Variants in CEP295 observed in about 807,000 individuals in gnomAD.
CEP295 encodes centrosomal protein of 295 kDa.
Under a neutral mutation model 291.6 loss-of-function variants are expected in CEP295, and 190 were observed. The ratio of observed to expected loss-of-function variants is 0.65; its 90% CI spans 0.58 to 0.73. The LOEUF (loss-of-function observed/expected upper bound fraction) is 0.73, where lower values mean the gene tolerates loss of function less well. Ranked by LOEUF, CEP295 falls within the 30% of genes least tolerant of loss-of-function variation. CEP295 has a pLI of 0.00. For missense variants in CEP295, 2,863 were observed against 2,949.4 expected, an observed-to-expected ratio of 0.97 and a Z score of 0.68; for synonymous variants, 993 against 1,038.8, an observed-to-expected ratio of 0.96 and a Z score of 0.85.
intron 6 of CEP295, among the ~76,000 whole-genome samples, chr11:93,677,297 A>G (rs1420056468): frequency 1.3e-5 from 2 of 152,048 alleles, no homozygotes; most frequent in African/African-American, 4.8e-5. Context: ...ATGTTTGGGT[A>G]TTTTTCTTTA....
intron 10 of CEP295, among the ~76,000 whole-genome samples, chr11:93,690,150 A>G (rs1195033816): frequency 6.6e-6 from 1 of 152,128 alleles, no homozygotes; most frequent in Non-Finnish European, 1.5e-5. Flanking sequence ...AGTGGCTCAC[A>G]CCTGTAATCC....
intron 12 of CEP295, among the ~76,000 whole-genome samples, chr11:93,694,616 G>A (rs1246467272): frequency 6.6e-6 from 1 of 152,204 alleles, no homozygotes; most frequent in Non-Finnish European, 1.5e-5. Context: ...CAACAGGCAA[G>A]TTTTTGTAAC....
intron 18 of CEP295, among the ~76,000 whole-genome samples, chr11:93,710,852 T>A (rs1177288824): frequency 6.6e-6 from 1 of 152,222 alleles, no homozygotes; most frequent in African/African-American, 2.4e-5. Flanking sequence ...AGGTTGTATG[T>A]GTCTAGGAAT....
rs1250683848 is a variant in CEP295 at position 93,729,547 on chromosome 11, C to A, written c.7399+17C>A. ...CATCTACAGGTAAGCCTTGGACGGC[C>A]TCCACACTTCTAATGGAAAGTAGAT... On this transcript the variant is annotated intron_variant, in intron 26 of 29. Transcript: ENST00000325212. 1.4e-5 allele frequency: 21 copies of A among 1,549,684 alleles called. No individual in the cohort carries two copies. The highest frequency in any genetic ancestry group is 1.8e-5 in the Non-Finnish European group (21 of 1,145,352).
chr11:93,688,999 T>C (rs75746129), intron 10 of CEP295, among the ~76,000 whole-genome samples: 2,042 of 152,288 alleles, frequency 0.013, 52 homozygotes, highest in African/African-American at 0.047. Context: ...CCTCTTTTCA[T>C]ATCTTATGTA....
Position 93,729,818 on chromosome 11 carries a change from GA to G in CEP295, c.7567+40del, listed in dbSNP as rs553922295. On this transcript the variant is annotated intron_variant, in intron 27 of 29. Transcript: ENST00000325212. ...TTTTAAAATCTTCAACCAACTCCCTGAAATGTTTAAAGCCTTGTGTTTACAA... is the reference window on the plus strand; with the variant it reads ...TTTTAAAATCTTCAACCAACTCCCTGAATGTTTAAAGCCTTGTGTTTACAA... 1.1e-3 allele frequency: 1,664 copies of G among 1,537,700 alleles called. 4 individuals are homozygous for G. Among genetic ancestry groups the G allele is most frequent in the Non-Finnish European group, 1.1e-3 (1,203 of 1,140,490 alleles).
At chr11:93,663,892 A>T (rs374146968) in intron 1 of CEP295, among the ~76,000 whole-genome samples, 167 of 152,324 alleles carry the variant, frequency 1.1e-3, no homozygotes, top group African/African-American at 3.8e-3. Flanking sequence ...GAATTTTTAC[A>T]TATGTATACA....
intron 12 of CEP295, among the ~76,000 whole-genome samples, chr11:93,695,208 A>G (rs566412040): frequency 1.3e-5 from 2 of 152,346 alleles, no homozygotes; most frequent in Admixed American, 1.3e-4. Flanking sequence ...TTCAGTGGTG[A>G]TCAGGGTTTC....
chr11:93,686,202 C>T (rs1951228433), intron 9 of CEP295, among the ~76,000 whole-genome samples: 1 of 151,896 alleles, frequency 6.6e-6, no homozygotes, highest in Non-Finnish European at 1.5e-5. Context: ...ACCTGTAATC[C>T]CAGCTACATG....
chr11:93,728,751 T>C lies in CEP295; in HGVS notation c.7232T>C (p.Ile2411Thr). The C allele has an allele frequency of 6.4e-7, 1 of 1,550,556 alleles. No homozygotes were observed. Among genetic ancestry groups the C allele is most frequent in the Non-Finnish European group, 8.7e-7 (1 of 1,146,340 alleles). Residue 2411 changes from isoleucine (I) to threonine (T), a missense_variant, in exon 25 of 30, where the codon ATT (isoleucine) becomes ACT (threonine). Transcript: ENST00000325212. ...TTAATAAGCACCACTGATACCAGTA[T>C]TGCTGAAATGGATTTTGCAAATTTA... is the stretch of plus-strand genomic sequence containing the variant. ...LTLISTTDTS[I>T]AEMDFANLTL...
At chr11:93,678,038 T>C (rs971914201) in intron 6 of CEP295, among the ~76,000 whole-genome samples, 11 of 152,156 alleles carry the variant, frequency 7.2e-5, no homozygotes, top group African/African-American at 2.7e-4. Context: ...TCTAACCCTT[T>C]ATTCATATCC....
chr11:93,700,219 TAG>T, intron 15 of CEP295, 33 bp downstream of exon 15: 1 of 1,484,340 alleles, frequency 6.7e-7, no homozygotes, highest in Non-Finnish European at 9.0e-7. Context: ...AATGAAACAC[TAG>T]AAGTTTAAAC....
At position 93,721,965 on chromosome 11, in the gene CEP295, G is replaced by T; in HGVS notation, c.5862G>T (p.Leu1954=). The part of the protein sequence containing the change: ...TVKPDDKAKT[L]SYEPLSSATV... ...CCCTTAATTTCTAGGCTAAAACACT[G>T]TCTTATGAACCATTATCTTCAGCAA... Residue 1954 remains leucine, a synonymous_variant, in exon 20 of 30, where the codon CTG becomes CTT. Coordinates refer to ENST00000325212, the MANE Select transcript of CEP295 (RefSeq NM_033395.2). 6.2e-7 allele frequency: 1 copy of T among 1,607,688 alleles called. No individual in the cohort carries two copies. Among genetic ancestry groups the T allele is most frequent in the African/African-American group, 1.3e-5 (1 of 74,908 alleles).
At chr11:93,690,825 C>A (rs1160231297) in intron 10 of CEP295, among the ~76,000 whole-genome samples, 1 of 151,434 alleles carries the variant, frequency 6.6e-6, no homozygotes, top group East Asian at 1.9e-4. Flanking sequence ...CTGACTAAAA[C>A]CATGCACACT....
chr11:93,721,593 C>A (rs773573769), intron 19 of CEP295, 181 bp downstream of exon 19: 1 of 758,234 alleles, frequency 1.3e-6, no homozygotes, highest in East Asian at 2.5e-5. Flanking sequence ...TTCCAGTCTA[C>A]CTGATGCATG....
chr11:93,729,387 C>CT, intron 25 of CEP295, 47 bp from the exon 26 acceptor site: 2 of 1,318,410 alleles, frequency 1.5e-6, no homozygotes, highest in Non-Finnish European at 2.1e-6. Flanking sequence ...GCAAGACCCG[C>CT]TTAAAGCGTT....
rs775597647 is a variant in CEP295, at chr11:93,725,745, C to T, written c.6413C>T (p.Ser2138Phe). ...TALRRTSMHSSLNTSPNQQPD... is the reference protein window; with the variant it reads ...TALRRTSMHSFLNTSPNQQPD... ...CTGAGGAGGACCAGCATGCATTCTT[C>T]TCTTAACACAAGTCCGAATCAACAA... The change falls in exon 23 of 30, where the codon TCT becomes TTT. Residue 2138 changes from serine to phenylalanine, a missense_variant. By Grantham distance (155) the Ser-to-Phe change is radical. Transcript: ENST00000325212. 8 of 1,551,802 alleles carry T rather than the reference C, an allele frequency of 5.2e-6. 1 individual carries two copies. In the South Asian group the frequency reaches 9.5e-5, roughly 18 times the overall value.
At chr11:93,668,243 T>C (rs913599524) in intron 3 of CEP295, among the ~76,000 whole-genome samples, 3 of 152,190 alleles carry the variant, frequency 2.0e-5, no homozygotes, top group Non-Finnish European at 4.4e-5. Flanking sequence ...GTGGAAATAC[T>C]ACAGTCCCAG....
At chr11:93,693,670 C>T (rs1409981243) in intron 12 of CEP295, among the ~76,000 whole-genome samples, 1 of 152,058 alleles carries the variant, frequency 6.6e-6, no homozygotes, top group Non-Finnish European at 1.5e-5. Flanking sequence ...ACAGGAGAAT[C>T]GCTTGAACCC....
Sources: allele counts gnomAD v4.1 joint callset (sites outside exome capture counted in the v4.1 genomes callset), GRCh38; gene constraint gnomAD v4.1.1; transcripts MANE v1.5; gene names NCBI Gene and HGNC (gene_info 2026-07-23, HGNC 2026-07-21).